ACSF3: variants seen among roughly 807,000 people sequenced by gnomAD.
ACSF3 encodes acyl-CoA synthetase family member 3, also known as malonate--CoA ligase ACSF3, mitochondrial.
Under a neutral mutation model 53.2 loss-of-function variants are expected in ACSF3, and 78 were observed. That is an observed-to-expected ratio of 1.47 (90% CI 1.22 to 1.77). ACSF3 has a LOEUF of 1.77. ACSF3 is among the 40% of genes most tolerant of loss of function. The probability of loss-of-function intolerance (pLI) is 0.00; values close to 1 mark genes in which losing one functional copy is unlikely to be tolerated. For missense variants in ACSF3, 937 were observed against 771.1 expected, an observed-to-expected ratio of 1.22 and a Z score of -2.55; for synonymous variants, 414 against 333.1, an observed-to-expected ratio of 1.24 and a Z score of -2.65.
intron 8 of ACSF3, among the ~76,000 whole-genome samples, chr16:89,134,563 A>T (rs927434932): frequency 6.6e-6 from 1 of 152,202 alleles, no homozygotes; most frequent in Non-Finnish European, 1.5e-5. Flanking sequence ...CACGGACCAG[A>T]AGAGAGTGTA....
Position 89,100,973 on chromosome 16 carries a change from G to T in ACSF3, c.292G>T (p.Val98Phe), listed in dbSNP as rs1975234999. ...CVGGDLREER[V>F]SFLCANDASY... Reference sequence around the variant, plus strand: ...CGGCGGGGACCTCCGGGAGGAGAGGGTCTCCTTCCTATGCGCTAACGATGC... The same window carrying T: ...CGGCGGGGACCTCCGGGAGGAGAGGTTCTCCTTCCTATGCGCTAACGATGC... Residue 98 changes from valine (V) to phenylalanine (F), a missense_variant, in exon 3 of 11, where the codon GTC becomes TTC. Val to Phe is a conservative substitution (Grantham distance 50, BLOSUM62 -1). Transcript: ENST00000614302. 1.2e-6 allele frequency: 2 copies of T among 1,613,616 alleles called. No homozygotes were observed. Among genetic ancestry groups the T allele is most frequent in the Admixed American group, 1.7e-5 (1 of 60,022 alleles).
At chr16:89,120,725 C>G (rs1029989344) in intron 6 of ACSF3, 76 bp from the exon 7 acceptor site, 1 of 1,410,424 alleles carries the variant, frequency 7.1e-7, no homozygotes, top group Non-Finnish European at 1.0e-6. Flanking sequence ...CAGCGGGATC[C>G]GAGCTCAGTG....
intron 8 of ACSF3, among the ~76,000 whole-genome samples, chr16:89,139,236 G>A (rs1313259647): frequency 2.6e-5 from 4 of 152,118 alleles, no homozygotes; most frequent in East Asian, 1.9e-4. Flanking sequence ...CCAATTCCTC[G>A]TGGGCTGGGC....
intron 1 of ACSF3, among the ~76,000 whole-genome samples, chr16:89,094,287 C>G (rs960430275): frequency 3.3e-5 from 5 of 152,180 alleles, no homozygotes; most frequent in African/African-American, 1.2e-4. Context: ...CAGGCATCCT[C>G]AGAACGAATC....
rs1256433037 is a variant in ACSF3, at chr16:89,154,932, G to T, written c.*725G>T. 4 of 453,944 alleles carry T rather than the reference G, an allele frequency of 8.8e-6. No homozygotes were observed. In the East Asian group the frequency reaches 2.1e-4, roughly 24 times the overall value. The allele number at this position is 453,944 out of a possible 1,614,324, so 28.1% of individuals were successfully genotyped here. A position where few individuals can be genotyped will look rare whatever the true frequency, so the allele number is the denominator to read the frequency against. On this transcript the variant is annotated 3_prime_UTR_variant, in exon 11 of 11. Coordinates refer to ENST00000614302, the MANE Select transcript of ACSF3 (RefSeq NM_001243279.3). ...GACTTTCCAGGTCATCTCCACACCAGCCCCTCAGCCGGTGAACCCTCTCTC... is the reference window on the plus strand; with the variant it reads ...GACTTTCCAGGTCATCTCCACACCATCCCCTCAGCCGGTGAACCCTCTCTC...
At chr16:89,142,449 T>G (rs1911953387) in intron 8 of ACSF3, among the ~76,000 whole-genome samples, 2 of 152,126 alleles carry the variant, frequency 1.3e-5, no homozygotes, top group Admixed American at 6.5e-5. Flanking sequence ...CTTCGACCTC[T>G]GGGGATACAC....
chr16:89,155,573 C>T lies in ACSF3; in HGVS notation c.*1366C>T. 1 of 454,178 alleles carries T rather than the reference C, an allele frequency of 2.2e-6. No individual in the cohort carries two copies. The highest frequency in any genetic ancestry group is 4.4e-6 in the Non-Finnish European group (1 of 226,802). The allele number at this position is 454,178 out of a possible 1,614,324, so 28.1% of individuals were successfully genotyped here. ...CTCACGGTGTGGCCTTGTGCATCCCCATGGCCTGACCCCGGGAACAGTCAG... is the reference window on the plus strand; with the variant it reads ...CTCACGGTGTGGCCTTGTGCATCCCTATGGCCTGACCCCGGGAACAGTCAG... On this transcript the variant is annotated 3_prime_UTR_variant, in exon 11 of 11. Transcript: ENST00000614302.
rs371034681 is a variant in ACSF3 at position 89,114,404 on chromosome 16, G to T, written c.1043G>T (p.Gly348Val). The T allele has an allele frequency of 5.6e-6, 9 of 1,613,906 alleles. No homozygotes were observed. The South Asian group carries it at 7.7e-5, about 14-fold the overall frequency. The change falls in exon 6 of 11, where the codon GGC becomes GTC. Residue 348 changes from glycine (G) to valine (V), a missense_variant. Gly to Val is a moderately radical substitution (Grantham distance 109). Transcript: ENST00000614302. ...CTGGAGAAGTGGAAGAACATCACGG[G>T]CCACACCCTGCTGGAGCGGTATGGC... ...PVLEKWKNIT[G>V]HTLLERYGMT...
intron 10 of ACSF3, chr16:89,152,945 G>C (rs1265195617): frequency 6.6e-6 from 1 of 152,092 alleles, no homozygotes; most frequent in Admixed American, 6.6e-5. Flanking sequence ...CAGCGACACC[G>C]AGGTCGAAGC....
chr16:89,094,957 G>A (rs9928756), intron 1 of ACSF3, among the ~76,000 whole-genome samples: 107,980 of 151,662 alleles, frequency 0.71, 38,680 homozygotes, highest in East Asian at 0.77. Flanking sequence ...GAATGATTAG[G>A]AATTTGCTAG....
chr16:89,140,075 T>C (rs12599126), intron 8 of ACSF3, among the ~76,000 whole-genome samples: 41,864 of 152,136 alleles, frequency 0.28, 6,496 homozygotes, highest in East Asian at 0.66. Context: ...GAAGCCTCTT[T>C]CACCCTTGGC....
intron 5 of ACSF3, among the ~76,000 whole-genome samples, chr16:89,112,513 A>ATCTCTCTCTGTCTCTCTTTG (rs1904297418): frequency 6.7e-6 from 1 of 149,976 alleles, no homozygotes; most frequent in Non-Finnish European, 1.5e-5. Context: ...CTGTCTCTCT[A>ATCTCTCTCTGTCTCTCTTTG]TCTCTCTCTG....
intron 1 of ACSF3, among the ~76,000 whole-genome samples, chr16:89,095,645 G>A (rs541810736): frequency 6.6e-5 from 10 of 152,276 alleles, no homozygotes; most frequent in African/African-American, 7.2e-5. Flanking sequence ...GTCAGGTGTC[G>A]TTTTATTCAT....
intron 10 of ACSF3, chr16:89,152,214 A>T (rs1219262044): frequency 1.3e-5 from 2 of 152,264 alleles, no homozygotes; most frequent in Non-Finnish European, 2.9e-5. Flanking sequence ...GGAGGTTGGG[A>T]GTGGCTCAGG....
At chr16:89,138,267 A>G (rs1014767696) in intron 8 of ACSF3, among the ~76,000 whole-genome samples, 2 of 152,198 alleles carry the variant, frequency 1.3e-5, no homozygotes, top group African/African-American at 2.4e-5. Context: ...AGGTGGGGGC[A>G]CCTGGGCTGT....
chr16:89,122,515 C>A, intron 7 of ACSF3: 1 of 369,170 alleles, frequency 2.7e-6, no homozygotes, highest in Middle Eastern at 3.7e-4. Flanking sequence ...CTGTGCCCTG[C>A]AGTGCCCCTG....
At chr16:89,148,244 A>C (rs1213093471) in intron 10 of ACSF3, 3 of 151,650 alleles carry the variant, frequency 2.0e-5, no homozygotes, top group Admixed American at 6.6e-5. Flanking sequence ...GACTATAGGC[A>C]TGCACCACCA....
intron 2 of ACSF3, among the ~76,000 whole-genome samples, chr16:89,099,949 T>G (rs1040112689): frequency 6.7e-6 from 1 of 148,338 alleles, no homozygotes; most frequent in African/African-American, 2.5e-5. Context: ...TGGACCAGCC[T>G]GGGCAATACA....
chr16:89,140,295 G>C (rs983121827), intron 8 of ACSF3, among the ~76,000 whole-genome samples: 1 of 152,222 alleles, frequency 6.6e-6, no homozygotes, highest in South Asian at 2.1e-4. Context: ...AACTGGTGGA[G>C]GCTTTCACGT....
Sources: gnomAD v4.1 joint callset for allele counts (sites outside exome capture counted in the v4.1 genomes callset) on GRCh38, gnomAD v4.1.1 for gene constraint, MANE v1.5 for transcripts, NCBI Gene and HGNC (gene_info 2026-07-23, HGNC 2026-07-21) for gene names.